Variants in ABCA12 observed in about 807,000 individuals in gnomAD.
The protein encoded by ABCA12 is ATP binding cassette subfamily A member 12.
In ABCA12, 156 loss-of-function variants were observed where a neutral mutation model predicts 293.5. The observed-to-expected ratio is 0.53, with a 90% CI of 0.47 to 0.61. The LOEUF (loss-of-function observed/expected upper bound fraction) is 0.61, where lower values mean the gene tolerates loss of function less well. Among genes scored for constraint, ABCA12 ranks in the 20% least tolerant of loss-of-function variants. The probability of loss-of-function intolerance (pLI) is 0.00; values close to 1 mark genes in which losing one functional copy is unlikely to be tolerated. For missense variants in ABCA12, 2,797 were observed against 3,090.2 expected (o/e 0.91, Z 2.25); for synonymous variants, 1,063 against 1,108.0 (o/e 0.96, Z 0.81).
intron 50 of ABCA12, 78 bp downstream of exon 50, chr2:214,942,847 G>T: frequency 7.8e-7 from 1 of 1,276,754 alleles, no homozygotes; most frequent in Non-Finnish European, 1.1e-6. Flanking sequence ...AGGCTGCTGA[G>T]ATAATCCTTG....
At chr2:215,034,002 A>G (rs1289598357) in intron 8 of ABCA12, among the ~76,000 whole-genome samples, 1 of 152,204 alleles carries the variant, frequency 6.6e-6, no homozygotes, top group Admixed American at 6.5e-5. Flanking sequence ...AGCTAAAAAA[A>G]TTGTATTCAC....
intron 1 of ABCA12, among the ~76,000 whole-genome samples, chr2:215,130,876 T>C (rs908997840): frequency 1.3e-5 from 2 of 152,172 alleles, no homozygotes; most frequent in Admixed American, 6.5e-5. Context: ...GGCTGTGGGT[T>C]TGTCATATAT....
At chr2:215,109,848 T>TA (rs1243981499) in intron 2 of ABCA12, among the ~76,000 whole-genome samples, 1 of 152,172 alleles carries the variant, frequency 6.6e-6, no homozygotes, top group Non-Finnish European at 1.5e-5. Context: ...GAAAAGTCCT[T>TA]AAAAACAAGA....
rs767898296 is a variant in ABCA12 at position 215,007,737 on chromosome 2, G to A, written c.2582C>T (p.Pro861Leu). The A allele has an allele frequency of 6.2e-7, 1 of 1,613,946 alleles. No individual in the cohort carries two copies. Among genetic ancestry groups the A allele is most frequent in the South Asian group, 1.1e-5 (1 of 91,070 alleles). The change falls in exon 19 of 53, where the codon CCA becomes CTA. Residue 861 changes from proline (P) to leucine (L), a missense_variant. Pro to Leu is a moderately conservative substitution (Grantham distance 98). Around this residue, in one of 3 missense-constraint regions of ABCA12, gnomAD observed 2,130 missense variants for 2,427.0 expected, o/e 0.88. Coordinates refer to ENST00000272895, the MANE Select transcript of ABCA12 (RefSeq NM_173076.3). The part of the protein sequence containing the change: ...NSFHLLNQAI[P>L]MLQNTLRNPF... ...AGAAGCATCTCATACCTGGAGCATTGGAATTGCCTGGTTTAACAGATGGAA... is the reference window on the plus strand; with the variant it reads ...AGAAGCATCTCATACCTGGAGCATTAGAATTGCCTGGTTTAACAGATGGAA...
chr2:214,988,939 G>A (rs898750841), intron 26 of ABCA12, among the ~76,000 whole-genome samples: 9 of 151,466 alleles, frequency 5.9e-5, no homozygotes, highest in Admixed American at 4.6e-4. Flanking sequence ...AGCACTTTGG[G>A]AGGCCAAGGC....
chr2:215,073,408 T>C (rs2106085083), intron 2 of ABCA12, among the ~76,000 whole-genome samples: 1 of 152,244 alleles, frequency 6.6e-6, no homozygotes. Flanking sequence ...CTAATTCTCC[T>C]TAGATGCGGC....
intron 18 of ABCA12, among the ~76,000 whole-genome samples, chr2:215,009,492 T>C (rs891415239): frequency 6.6e-6 from 1 of 152,142 alleles, no homozygotes; most frequent in African/African-American, 2.4e-5. Flanking sequence ...TAATTGTTTA[T>C]TTAAATTGAA....
intron 1 of ABCA12, among the ~76,000 whole-genome samples, chr2:215,115,468 T>C (rs1327075976): frequency 2.6e-5 from 4 of 152,182 alleles, no homozygotes; most frequent in African/African-American, 9.7e-5. Flanking sequence ...AGGGATGATA[T>C]ATTAATTTTA....
chr2:215,086,160 C>A (rs1024592915), intron 2 of ABCA12, among the ~76,000 whole-genome samples: 12 of 152,282 alleles, frequency 7.9e-5, no homozygotes, highest in Non-Finnish European at 1.6e-4. Context: ...GCCAAAGGAT[C>A]CAAGATTGTC....
In ABCA12 at chr2:215,019,776, CAAGTTTCG is replaced by C; in HGVS notation, c.1300_1307del (p.Arg434AspfsTer6). 1 of 1,612,812 alleles carries C rather than the reference CAAGTTTCG, an allele frequency of 6.2e-7. No individual in the cohort carries two copies. Among genetic ancestry groups the C allele is most frequent in the Non-Finnish European group, 8.5e-7 (1 of 1,180,020 alleles). ...TTTCAGATTCACAAAGAAGTTCGGT[CAAGTTTCG>C]AAGTTGAGACAGCTTTCCAAAAAGG... On this transcript the variant is annotated frameshift_variant, in exon 12 of 53. Transcript: ENST00000272895. LOFTEE classifies it high-confidence loss of function.
At chr2:215,041,278 G>A (rs1010601835) in intron 7 of ABCA12, among the ~76,000 whole-genome samples, 20 of 152,088 alleles carry the variant, frequency 1.3e-4, no homozygotes. Flanking sequence ...AATAGGCCAG[G>A]TGCTGTGGCT....
chr2:215,048,509 A>G (rs1477264601), intron 6 of ABCA12, among the ~76,000 whole-genome samples: 1 of 151,096 alleles, frequency 6.6e-6, no homozygotes, highest in Non-Finnish European at 1.5e-5. Context: ...AGCCTGGCCA[A>G]CATGGCAAAA....
chr2:215,043,945 A>T (rs1701152823), intron 7 of ABCA12, among the ~76,000 whole-genome samples: 1 of 151,956 alleles, frequency 6.6e-6, no homozygotes, highest in African/African-American at 2.4e-5. Flanking sequence ...TTTTGTTTTG[A>T]TGTTTTTGCC....
rs779509686 is a variant in ABCA12 at position 214,975,958 on chromosome 2, C to A, written c.5208G>T (p.Arg1736Ser). 6.2e-6 allele frequency: 10 copies of A among 1,613,946 alleles called. No individual in the cohort carries two copies. Among genetic ancestry groups the A allele is most frequent in the Non-Finnish European group, 8.5e-6 (10 of 1,179,992 alleles). Residue 1736 changes from arginine (R) to serine (S), a missense_variant, in exon 34 of 53, where the codon AGG (arginine) becomes AGT (serine). Around this residue, in one of 3 missense-constraint regions of ABCA12, gnomAD observed 2,130 missense variants for 2,427.0 expected, o/e 0.88. Transcript: ENST00000272895. The part of the protein sequence containing the change: ...LKKIMAILIK[R>S]FHHTRRNWKG... ...TCCAGTTCCTGCGGGTGTGGTGGAA[C>A]CTCTTGATGAGTATAGCCATGATCT...
rs767362784 is a variant in ABCA12, at chr2:215,012,184, C to T, written c.1957-49G>A. The T allele has an allele frequency of 4.2e-5, 65 of 1,565,020 alleles. 1 individual carries two copies. In the South Asian group the frequency reaches 6.8e-4, roughly 16 times the overall value. ...AATGCTTTATGTGGAAAAATTGAAT[C>T]CTCATGCATTGTTGGTAAGGTTGTA... On this transcript the variant is annotated intron_variant, in intron 15 of 52. Transcript: ENST00000272895.
In ABCA12 at chr2:215,111,705, T is replaced by C. The variant is rs1322046451; in HGVS notation, c.70-15A>G. On this transcript the variant is annotated splice_polypyrimidine_tract_variant and intron_variant, in intron 1 of 52. Coordinates refer to ENST00000272895, the MANE Select transcript of ABCA12 (RefSeq NM_173076.3). ...AGTGTCCAAAGCTGCAAAATAATGG[T>C]AGAAAAAATTGTTAGTTTTATTGTT... is the stretch of plus-strand genomic sequence containing the variant. The C allele has an allele frequency of 1.3e-6, 2 of 1,595,186 alleles. No homozygotes were observed. The highest frequency in any genetic ancestry group is 1.3e-5 in the African/African-American group (1 of 74,678).
intron 2 of ABCA12, chr2:215,085,378 C>G (rs1702020536): frequency 6.6e-6 from 1 of 152,144 alleles, no homozygotes; most frequent in Non-Finnish European, 1.5e-5. Flanking sequence ...AAACCTGGTT[C>G]CAACTCTACC....
chr2:214,947,181 C>T (rs71428356), intron 48 of ABCA12, among the ~76,000 whole-genome samples: 4,724 of 152,246 alleles, frequency 0.031, 106 homozygotes, highest in Middle Eastern at 0.054. Flanking sequence ...TCCTTGGAAA[C>T]GCACTAAGCT....
chr2:214,938,861 T>C lies in ABCA12; in HGVS notation c.7437-1246A>G, dbSNP rs1004801983. The stretch of plus-strand genomic sequence containing the variant: ...CTTTGTAGATTCTGGATGTTGGCCC[T>C]TTGTCAGATGGATAGATTGCAAAAA... On this transcript the variant is annotated intron_variant, in intron 50 of 52. Transcript: ENST00000272895. 5.3e-5 allele frequency among the ~76,000 whole-genome samples: 8 copies of C among 152,206 alleles called. No individual in the cohort carries two copies. In the East Asian group the frequency reaches 5.8e-4, roughly 11 times the overall value.
Sources: allele counts gnomAD v4.1 joint callset (sites outside exome capture counted in the v4.1 genomes callset), GRCh38; gene constraint gnomAD v4.1.1; regional missense constraint gnomAD v4.1.1; transcripts MANE v1.5; gene names NCBI Gene and HGNC (gene_info 2026-07-23, HGNC 2026-07-21).